The following SH3RF2 variants were observed in gnomAD, a reference collection of about 807,000 sequenced individuals.
The protein encoded by SH3RF2 is SH3 domain containing ring finger 2, also known as E3 ubiquitin-protein ligase SH3RF2.
In SH3RF2, 43 loss-of-function variants were observed where a neutral mutation model predicts 59.0. The observed-to-expected ratio is 0.73, with a 90% CI of 0.57 to 0.94. The LOEUF (loss-of-function observed/expected upper bound fraction) is 0.94. Among genes scored for constraint, SH3RF2 ranks in the 40% least tolerant of loss-of-function variants. SH3RF2 has a pLI of 0.00. For missense variants in SH3RF2, 930 were observed against 940.1 expected (o/e 0.99, Z 0.14); for synonymous variants, 391 against 391.5 (o/e 1.00, Z 0.01).
chr5:146,017,541 C>T (rs1284489142), intron 5 of SH3RF2, among the ~76,000 whole-genome samples: 3 of 152,120 alleles, frequency 2.0e-5, no homozygotes, highest in African/African-American at 4.8e-5. Flanking sequence ...CCTCCTCCTC[C>T]CCATCCCTGT....
chr5:146,037,546 A>G (rs1460652728), intron 5 of SH3RF2, among the ~76,000 whole-genome samples: 1 of 152,194 alleles, frequency 6.6e-6, no homozygotes, highest in African/African-American at 2.4e-5. Flanking sequence ...TTTCTCCCCA[A>G]CAGGGAGGCC....
chr5:145,979,923 G>C (rs1166104390), intron 2 of SH3RF2, among the ~76,000 whole-genome samples: 3 of 152,184 alleles, frequency 2.0e-5, no homozygotes, highest in Non-Finnish European at 2.9e-5. Flanking sequence ...GAAGTAACTA[G>C]TCCAAAGTGA....
chr5:145,954,309 C>T (rs972649737), intron 2 of SH3RF2, among the ~76,000 whole-genome samples: 3 of 152,108 alleles, frequency 2.0e-5, no homozygotes, highest in Non-Finnish European at 4.4e-5. Flanking sequence ...TAATGATCAG[C>T]GATATTGAGC....
At chr5:145,986,525 G>A (rs1018543456) in intron 2 of SH3RF2, among the ~76,000 whole-genome samples, 1 of 152,190 alleles carries the variant, frequency 6.6e-6, no homozygotes, top group Admixed American at 6.5e-5. Flanking sequence ...TCATCCTTCA[G>A]GCTCCCACGT....
intron 2 of SH3RF2, among the ~76,000 whole-genome samples, chr5:145,971,983 T>C (rs1759101844): frequency 6.6e-6 from 1 of 152,178 alleles, no homozygotes; most frequent in African/African-American, 2.4e-5. Context: ...CCACAACAAC[T>C]GTATGAGATT....
intron 3 of SH3RF2, among the ~76,000 whole-genome samples, chr5:146,003,664 T>A (rs1760516620): frequency 6.6e-5 from 10 of 152,188 alleles, no homozygotes; most frequent in Admixed American, 6.5e-4. Context: ...ATTGAATAGG[T>A]TCTGAAAGTC....
chr5:146,054,705 A>G (rs909296308), intron 7 of SH3RF2, among the ~76,000 whole-genome samples: 16 of 152,360 alleles, frequency 1.1e-4, no homozygotes, highest in African/African-American at 3.8e-4. Context: ...TGCCTTACTT[A>G]TCTTCGTACA....
At chr5:146,015,814 C>T (rs547639020) in intron 5 of SH3RF2, among the ~76,000 whole-genome samples, 2 of 152,204 alleles carry the variant, frequency 1.3e-5, no homozygotes, top group Non-Finnish European at 2.9e-5. Context: ...ATCCGATGAC[C>T]AGGGAACTAC....
At chr5:145,968,220 G>T (rs1446793794) in intron 2 of SH3RF2, among the ~76,000 whole-genome samples, 1 of 152,188 alleles carries the variant, frequency 6.6e-6, no homozygotes, top group Non-Finnish European at 1.5e-5. Flanking sequence ...TACTAGTAGA[G>T]TGGCTAACAA....
chr5:146,042,138 G>A (rs1042859803), intron 5 of SH3RF2, among the ~76,000 whole-genome samples: 1 of 152,104 alleles, frequency 6.6e-6, no homozygotes, highest in Non-Finnish European at 1.5e-5. Flanking sequence ...ATAGCTGAGA[G>A]CCACGGCATG....
intron 4 of SH3RF2, among the ~76,000 whole-genome samples, chr5:146,006,976 C>T (rs1303797593): frequency 6.6e-6 from 1 of 152,188 alleles, no homozygotes; most frequent in Non-Finnish European, 1.5e-5. Flanking sequence ...TGCCTCGTTT[C>T]AGAAGTGACA....
chr5:145,963,660 C>T (rs546922656), intron 2 of SH3RF2, among the ~76,000 whole-genome samples: 16 of 152,170 alleles, frequency 1.1e-4, no homozygotes, highest in Non-Finnish European at 2.4e-4. Flanking sequence ...TGATTAGACA[C>T]CCAAATTCCT....
At chr5:146,074,031 A>G (rs981301665) in intron 9 of SH3RF2, among the ~76,000 whole-genome samples, 5 of 137,298 alleles carry the variant, frequency 3.6e-5, no homozygotes, top group African/African-American at 6.8e-5. Context: ...GGTTTCATTA[A>G]CACTCTTTTT....
At chr5:145,958,132 AC>A (rs1426159260) in intron 2 of SH3RF2, among the ~76,000 whole-genome samples, 2 of 150,904 alleles carry the variant, frequency 1.3e-5, no homozygotes, top group Non-Finnish European at 2.9e-5. Context: ...AAACAAAAAA[AC>A]AAAACAAAAC....
intron 2 of SH3RF2, among the ~76,000 whole-genome samples, chr5:145,993,363 G>A (rs1758054749): frequency 6.6e-6 from 1 of 152,186 alleles, no homozygotes; most frequent in Non-Finnish European, 1.5e-5. Context: ...TCTTCTCACA[G>A]CTCCACTAGG....
intron 5 of SH3RF2, among the ~76,000 whole-genome samples, chr5:146,032,864 CT>C (rs923650920): frequency 3.3e-5 from 5 of 152,208 alleles, no homozygotes; most frequent in African/African-American, 1.2e-4. Flanking sequence ...TAAAGAAGCC[CT>C]TCTCTGAGAA....
chr5:145,964,944 G>C (rs952997605), intron 2 of SH3RF2, among the ~76,000 whole-genome samples: 1 of 152,150 alleles, frequency 6.6e-6, no homozygotes, highest in African/African-American at 2.4e-5. Flanking sequence ...TGTAATCTCA[G>C]CACTTTGGGA....
intron 8 of SH3RF2, among the ~76,000 whole-genome samples, chr5:146,057,966 C>CTCTCTCTATCTA (rs796279528): frequency 7.5e-4 from 55 of 72,962 alleles, no homozygotes; most frequent in African/African-American, 2.1e-3. Flanking sequence ...CTCTCTCTCT[C>CTCTCTCTATCTA]TCTATCTATC....
intron 2 of SH3RF2, among the ~76,000 whole-genome samples, chr5:145,979,328 G>A (rs1759423678): frequency 6.6e-6 from 1 of 152,212 alleles, no homozygotes; most frequent in Admixed American, 6.5e-5. Flanking sequence ...CTGAGAATCA[G>A]TGTCAAGGGA....
Sources: allele counts gnomAD v4.1 joint callset (sites outside exome capture counted in the v4.1 genomes callset), GRCh38; gene constraint gnomAD v4.1.1; transcripts MANE v1.5; gene names NCBI Gene and HGNC (gene_info 2026-07-23, HGNC 2026-07-21).